Variants in MYH16 observed in about 807,000 individuals in gnomAD.
The protein encoded by MYH16 is putative uncharacterized protein MYH16.
intron 37 of MYH16, among the ~76,000 whole-genome samples, chr7:99,299,927 T>TTTTTTTTATTTA (rs1554339989): frequency 4.3e-5 from 6 of 138,232 alleles, no homozygotes; most frequent in African/African-American, 1.4e-4. Context: ...TTTTATTTTA[T>TTTTTTTTATTTA]TTTATTTATT....
intron 18 of MYH16, among the ~76,000 whole-genome samples, chr7:99,268,808 T>C (rs567089383): frequency 6.6e-6 from 1 of 152,350 alleles, no homozygotes; most frequent in Non-Finnish European, 1.5e-5. Context: ...TACCTTGCGA[T>C]GTCTAGCTCC....
intron 21 of MYH16, 58 bp from the exon 4 acceptor site, chr7:99,279,452 G>C: frequency 6.7e-6 from 3 of 447,722 alleles, no homozygotes; most frequent in South Asian, 4.7e-5. Flanking sequence ...CTTGTCCAGC[G>C]TCTTGGTGTG....
intron 33 of MYH16, among the ~76,000 whole-genome samples, chr7:99,296,148 T>TA (rs60180969): frequency 0.014 from 1,296 of 91,182 alleles, 9 homozygotes; most frequent in African/African-American, 0.021. Flanking sequence ...CATCTCAATT[T>TA]AAAAAAAAAA....
At chr7:99,298,057 AC>A (rs1032401582) in intron 36 of MYH16, 62 bp downstream of exon 17, 4 of 449,658 alleles carry the variant, frequency 8.9e-6, no homozygotes, top group African/African-American at 8.1e-5. Flanking sequence ...GAGTCCAGAA[AC>A]CCCAGTCTCT....
intron 20 of MYH16, among the ~76,000 whole-genome samples, chr7:99,274,785 T>C (rs1379277664): frequency 6.7e-6 from 1 of 149,688 alleles, no homozygotes; most frequent in African/African-American, 2.5e-5. Context: ...GTTATTCTCC[T>C]GCCTCAGCCT....
At chr7:99,272,445 G>A (rs1404446087) in intron 19 of MYH16, among the ~76,000 whole-genome samples, 1 of 152,022 alleles carries the variant, frequency 6.6e-6, no homozygotes, top group East Asian at 1.9e-4. Flanking sequence ...AATTTTTAAA[G>A]GGCTGGGTCT....
At chr7:99,273,668 A>G (rs1007781091) in intron 20 of MYH16, among the ~76,000 whole-genome samples, 1 of 152,048 alleles carries the variant, frequency 6.6e-6, no homozygotes, top group Non-Finnish European at 1.5e-5. Flanking sequence ...CTGAGGCAGG[A>G]GGATTGCTTG....
chr7:99,262,138 T>C (rs576852611), intron 13 of MYH16, among the ~76,000 whole-genome samples: 4 of 152,238 alleles, frequency 2.6e-5, no homozygotes, highest in South Asian at 2.1e-4. Context: ...AGGACTCAGG[T>C]TGCATTTGCA....
At chr7:99,271,464 G>A (rs989584027) in intron 19 of MYH16, among the ~76,000 whole-genome samples, 4 of 152,234 alleles carry the variant, frequency 2.6e-5, no homozygotes, top group Middle Eastern at 3.4e-3. Flanking sequence ...AGCTGAGATC[G>A]TGCCATTGCA....
intron 18 of MYH16, among the ~76,000 whole-genome samples, chr7:99,270,094 T>A (rs973131510): frequency 2.2e-4 from 1 of 4,476 alleles, no homozygotes; most frequent in Non-Finnish European, 3.8e-4. Flanking sequence ...AGGCTGGTCT[T>A]GAACTCCTGA....
At chr7:99,280,180 G>A (rs934888789) in intron 22 of MYH16, among the ~76,000 whole-genome samples, 3 of 152,216 alleles carry the variant, frequency 2.0e-5, no homozygotes, top group African/African-American at 7.2e-5. Flanking sequence ...GCCCACATGG[G>A]GCTATTGTAA....
At chr7:99,242,334 A>G (rs1791676360) in intron 1 of MYH16, among the ~76,000 whole-genome samples, 1 of 151,048 alleles carries the variant, frequency 6.6e-6, no homozygotes, top group South Asian at 2.1e-4. Flanking sequence ...GGAGCAGGGG[A>G]ATGTCTTTTT....
At chr7:99,245,818 G>A (rs888975873) in intron 2 of MYH16, among the ~76,000 whole-genome samples, 6 of 152,104 alleles carry the variant, frequency 3.9e-5, no homozygotes, top group African/African-American at 7.2e-5. Context: ...AAGCCACTGC[G>A]CCTGGCCTTT....
intron 14 of MYH16, among the ~76,000 whole-genome samples, chr7:99,263,643 G>A (rs912745196): frequency 1.3e-5 from 2 of 152,188 alleles, no homozygotes; most frequent in African/African-American, 4.8e-5. Context: ...GGATGATACT[G>A]CAAAAGAGGC....
chr7:99,306,159 C>A (rs887252122), intron 41 of MYH16, 123 bp downstream of exon 22: 1 of 152,280 alleles, frequency 6.6e-6, no homozygotes, highest in African/African-American at 2.4e-5. Flanking sequence ...GATGACTCTG[C>A]GAGGCTCATG....
At chr7:99,274,264 G>A (rs1003958039) in intron 20 of MYH16, among the ~76,000 whole-genome samples, 6 of 152,324 alleles carry the variant, frequency 3.9e-5, no homozygotes, top group Non-Finnish European at 8.8e-5. Flanking sequence ...CTGCACATGG[G>A]TCCAATCATG....
chr7:99,256,301 A>T (rs866368479), intron 9 of MYH16, among the ~76,000 whole-genome samples: 1 of 125,946 alleles, frequency 7.9e-6, no homozygotes, highest in African/African-American at 2.7e-5. Context: ...AAAAAAAAAA[A>T]TTTAAATTTG....
chr7:99,242,683 G>T (rs1462928707), intron 1 of MYH16, among the ~76,000 whole-genome samples: 3 of 152,062 alleles, frequency 2.0e-5, no homozygotes, highest in Non-Finnish European at 2.9e-5. Context: ...AAGTTTGGCT[G>T]GTCTGAAGGT....
chr7:99,242,248 G>A (rs1791675557), intron 1 of MYH16, among the ~76,000 whole-genome samples: 1 of 152,054 alleles, frequency 6.6e-6, no homozygotes, highest in African/African-American at 2.4e-5. Context: ...ACCTACTGAT[G>A]AATGCTCATT....
Sources: allele counts gnomAD v4.1 joint callset (sites outside exome capture counted in the v4.1 genomes callset), GRCh38; gene constraint gnomAD v4.1.1; transcripts MANE v1.5; gene names NCBI Gene and HGNC (gene_info 2026-07-23, HGNC 2026-07-21).